IFI27: variants seen among roughly 807,000 people sequenced by gnomAD.
IFI27 encodes the protein interferon alpha-inducible protein 27, mitochondrial.
A neutral mutation model predicts 8.9 loss-of-function variants in IFI27; 3 were observed. The observed-to-expected ratio is 0.34, with a 90% CI of 0.15 to 0.87. The LOEUF (loss-of-function observed/expected upper bound fraction) is 0.87, where lower values mean the gene tolerates loss of function less well. Among genes scored for constraint, IFI27 ranks in the 40% least tolerant of loss-of-function variants. The pLI is 0.51. For synonymous variants in IFI27, 66 were observed against 67.3 expected, an observed-to-expected ratio of 0.98 and a Z score of 0.09; for missense variants, 152 against 157.7, an observed-to-expected ratio of 0.96 and a Z score of 0.19.
Position 94,116,457 on chromosome 14 carries a change from C to G in IFI27, c.299C>G (p.Ser100Cys), listed in dbSNP as rs373173551. 1.7e-5 allele frequency: 27 copies of G among 1,612,724 alleles called. No individual in the cohort carries two copies. Among genetic ancestry groups the G allele is most frequent in the Non-Finnish European group, 2.0e-5 (24 of 1,179,506 alleles). The change falls in exon 5 of 5, where the codon TCC becomes TGC. Residue 100 changes from serine to cysteine, a missense_variant. Coordinates refer to ENST00000621160, the Ensembl canonical transcript of IFI27. The surrounding 1 kb of genome is among the most constrained non-coding windows in gnomAD (Gnocchi z 4.3). ...TTCTTCCCAGGAGCAACTGGACTCT[C>G]CGGATTGACCAAGTTCATCCTGGGC...
chr14:94,112,077 C>T (rs938374130), intron 2 of IFI27: 2 of 484,842 alleles, frequency 4.1e-6, no homozygotes, highest in African/African-American at 3.9e-5. Flanking sequence ...TTCAGCTCTC[C>T]CTTCCCCCAG....
chr14:94,109,299 TA>T (rs566567719), upstream of IFI27, among the ~76,000 whole-genome samples: 87 of 17,416 alleles, frequency 5.0e-3, no homozygotes, highest in South Asian at 0.023. Context: ...CAAAACTCCA[TA>T]AAAAAAAAAA....
chr14:94,115,833 G>A (rs376868044), exon 4 of IFI27: 53 of 1,602,578 alleles, frequency 3.3e-5, no homozygotes, highest in South Asian at 2.2e-5. Context: ...GCTTCACTGC[G>A]GCGGGAATCG....
rs186108659 is a variant in IFI27 at position 94,111,499 on chromosome 14, G to A, written c.-58-126G>A. 9.1e-5 allele frequency: 55 copies of A among 605,880 alleles called. No individual in the cohort carries two copies. The highest frequency in any genetic ancestry group is 9.1e-4 in the Admixed American group (33 of 36,444). The allele number at this position is 605,880 out of a possible 1,614,324, so 37.5% of individuals were successfully genotyped here. On this transcript the variant is annotated intron_variant, in intron 1 of 4. Transcript: ENST00000621160. The surrounding 1 kb of genome is among the most constrained non-coding windows in gnomAD (Gnocchi z 4.3). Reference sequence around the variant, plus strand: ...TCCCTCACCCCAGGATCCTTTCAAGGCCTGCTGCTCCACAAGCTCAGAGCA... The same window carrying A: ...TCCCTCACCCCAGGATCCTTTCAAGACCTGCTGCTCCACAAGCTCAGAGCA...
chr14:94,108,543 T>G (rs1887041345), upstream of IFI27, among the ~76,000 whole-genome samples: 1 of 152,214 alleles, frequency 6.6e-6, no homozygotes, highest in Non-Finnish European at 1.5e-5. Context: ...CATTCATACA[T>G]TCATTGTGCT....
In IFI27 at chr14:94,111,733, G is replaced by A. The variant is rs1383576233; in HGVS notation, c.51G>A (p.Val17=). The stretch of plus-strand genomic sequence containing the variant: ...CAGCAGTGACCAGTGTGGCCAAAGT[G>A]GTCAGGGTGGCCTCTGGCTCTGCCG... The change falls in exon 2 of 5, where the codon GTG becomes GTA. Residue 17 remains valine, a synonymous_variant. Transcript: ENST00000621160. The surrounding 1 kb of genome is among the most constrained non-coding windows in gnomAD (Gnocchi z 4.3). The A allele has an allele frequency of 6.2e-7, 1 of 1,614,120 alleles. No individual in the cohort carries two copies. Among genetic ancestry groups the A allele is most frequent in the Non-Finnish European group, 8.5e-7 (1 of 1,180,030 alleles).
chr14:94,116,398 C>T lies in IFI27; in HGVS notation c.284-44C>T. 7.0e-7 allele frequency: 1 copy of T among 1,420,890 alleles called. No homozygotes were observed. Among genetic ancestry groups the T allele is most frequent in the Non-Finnish European group, 9.9e-7 (1 of 1,014,296 alleles). The allele number at this position is 1,420,890 out of a possible 1,614,324, so 88.0% of individuals were successfully genotyped here. A position where few individuals can be genotyped will look rare whatever the true frequency, so the allele number is the denominator to read the frequency against. ...CCACAGTCCTGCCCACAGAGCTTCC[C>T]CGACAGGCATGTCCCACTCTGTCCA... is the stretch of plus-strand genomic sequence containing the variant. On this transcript the variant is annotated intron_variant, in intron 4 of 4. Coordinates refer to ENST00000621160, the Ensembl canonical transcript of IFI27. The surrounding 1 kb of genome is among the most constrained non-coding windows in gnomAD (Gnocchi z 4.3).
rs774718963 is a variant in IFI27, at chr14:94,111,702, C to A, written c.20C>A (p.Thr7Asn). The A allele has an allele frequency of 4.3e-6, 7 of 1,614,048 alleles. No individual in the cohort carries two copies. The Admixed American group carries it at 8.3e-5, about 19-fold the overall frequency. Residue 7 changes from threonine to asparagine, a missense_variant, in exon 2 of 5, where the codon ACC (threonine) becomes AAC (asparagine). Thr to Asn is a moderately conservative substitution (Grantham distance 65). Coordinates refer to ENST00000621160, the Ensembl canonical transcript of IFI27. This position sits in a 1 kb window ranked among gnomAD's most constrained non-coding sequence, Gnocchi z 4.3. ...GCAGGCATGGAGGCCTCTGCTCTCA[C>A]CTCATCAGCAGTGACCAGTGTGGCC...
In IFI27 at chr14:94,111,581, G is replaced by C; in HGVS notation, c.-58-44G>C. The C allele has an allele frequency of 8.7e-6, 8 of 914,800 alleles. No individual in the cohort carries two copies. The South Asian group carries it at 1.1e-4, about 13-fold the overall frequency. 56.7% of individuals were successfully genotyped at this position (914,800 alleles called of 1,614,324 possible). ...TTTCAGGACAGTGGGAAGCAAGTCAGGTTGTGTGCCCATCCCGTCCTCAGA... is the reference window on the plus strand; with the variant it reads ...TTTCAGGACAGTGGGAAGCAAGTCACGTTGTGTGCCCATCCCGTCCTCAGA... On this transcript the variant is annotated intron_variant, in intron 1 of 4. Transcript: ENST00000621160. The surrounding 1 kb of genome is among the most constrained non-coding windows in gnomAD (Gnocchi z 4.3).
rs530908059 is a variant in IFI27 at position 94,115,427 on chromosome 14, T to C, written c.122-354T>C. On this transcript the variant is annotated intron_variant, in intron 3 of 4. Coordinates refer to ENST00000621160, the Ensembl canonical transcript of IFI27. Reference sequence around the variant, plus strand: ...TCCTGGGCAACATCTGCTCCCCTAATGAGATTTGCTCCCCAGCAAAGATAA... The same window carrying C: ...TCCTGGGCAACATCTGCTCCCCTAACGAGATTTGCTCCCCAGCAAAGATAA... The C allele has an allele frequency of 5.2e-4, 293 of 564,882 alleles. 6 individuals carry two copies. The highest frequency in any genetic ancestry group is 4.5e-3 in the South Asian group (290 of 65,014). 35.0% of individuals were successfully genotyped at this position (564,882 alleles called of 1,614,324 possible).
upstream of IFI27, among the ~76,000 whole-genome samples, chr14:94,107,947 C>T (rs565793088): frequency 1.3e-5 from 2 of 152,268 alleles, no homozygotes; most frequent in Admixed American, 1.3e-4. Context: ...CCCATCAACT[C>T]GTCATTTACA....
Position 94,111,908 on chromosome 14 carries a change from C to G in IFI27, c.91+135C>G. ...GCTGCCCTGTCCTGTCTTCTCACAG[C>G]AGGCGTCCACCCTAACTTTCCATCT... is the stretch of plus-strand genomic sequence containing the variant. On this transcript the variant is annotated intron_variant, in intron 2 of 4. Transcript: ENST00000621160. This position sits in a 1 kb window ranked among gnomAD's most constrained non-coding sequence, Gnocchi z 4.3. 1.4e-6 allele frequency: 1 copy of G among 736,538 alleles called. No homozygotes were observed. The highest frequency in any genetic ancestry group is 2.4e-6 in the Non-Finnish European group (1 of 419,310). 45.6% of individuals were successfully genotyped at this position (736,538 alleles called of 1,614,324 possible). A position where few individuals can be genotyped will look rare whatever the true frequency, so the allele number is the denominator to read the frequency against.
At chr14:94,107,078 T>G (rs965235560), upstream of IFI27, among the ~76,000 whole-genome samples, 6 of 152,094 alleles carry the variant, frequency 3.9e-5, no homozygotes, top group African/African-American at 1.2e-4. Context: ...ATTATTATTA[T>G]TATTATTTCA....
At chr14:94,109,192 G>A (rs2139283430), upstream of IFI27, among the ~76,000 whole-genome samples, 1 of 152,160 alleles carries the variant, frequency 6.6e-6, no homozygotes, top group Non-Finnish European at 1.5e-5. Flanking sequence ...CTACTTGGGA[G>A]GCTGAGGCAG....
intron 2 of IFI27, chr14:94,113,598 C>G (rs1395776785): frequency 6.6e-6 from 1 of 152,196 alleles, no homozygotes; most frequent in East Asian, 1.9e-4. Flanking sequence ...AATGGCCAGG[C>G]TACTCCGCCG....
chr14:94,114,568 AAAGAT>A (rs1207601650), intron 2 of IFI27: 1 of 483,426 alleles, frequency 2.1e-6, no homozygotes, highest in African/African-American at 1.9e-5. Flanking sequence ...GCAGAAAAGA[AAAGAT>A]AACATCTGAT....
At chr14:94,115,824 C>T (rs1465655800) in exon 4 of IFI27, 1 of 1,607,094 alleles carries the variant, frequency 6.2e-7, no homozygotes. Flanking sequence ...GTGCCATGGG[C>T]TTCACTGCGG....
Position 94,111,801 on chromosome 14 carries a change from TGGGGGCGA to T in IFI27, c.91+31_91+38del. ...GAGTGTTCCTGGGAGGGGCTGGTGC[TGGGGGCGA>T]GGAGGCGGCTGGGAAGGGCGGGGGT... On this transcript the variant is annotated intron_variant, in intron 2 of 4. Transcript: ENST00000621160. The surrounding 1 kb of genome is among the most constrained non-coding windows in gnomAD (Gnocchi z 4.3). 1 of 1,565,238 alleles carries T rather than the reference TGGGGGCGA, an allele frequency of 6.4e-7. No individual in the cohort carries two copies. Among genetic ancestry groups the T allele is most frequent in the Non-Finnish European group, 8.8e-7 (1 of 1,135,804 alleles).
Position 94,116,191 on chromosome 14 carries a change from G to A in IFI27, c.283+249G>A. ...TTACCTGGGGCGTCTCCTCCCCTCTGGGGTGCAGCCTCCTTCCCTGAAGAG... is the reference window on the plus strand; with the variant it reads ...TTACCTGGGGCGTCTCCTCCCCTCTAGGGTGCAGCCTCCTTCCCTGAAGAG... On this transcript the variant is annotated intron_variant, in intron 4 of 4. Coordinates refer to ENST00000621160, the Ensembl canonical transcript of IFI27. The surrounding 1 kb of genome is among the most constrained non-coding windows in gnomAD (Gnocchi z 4.3). 1.4e-6 allele frequency: 1 copy of A among 695,996 alleles called. No individual in the cohort carries two copies. The highest frequency in any genetic ancestry group is 1.5e-5 in the South Asian group (1 of 65,464). 43.1% of individuals were successfully genotyped at this position (695,996 alleles called of 1,614,324 possible). A position where few individuals can be genotyped will look rare whatever the true frequency, so the allele number is the denominator to read the frequency against.
Sources: gnomAD v4.1 joint callset for allele counts (sites outside exome capture counted in the v4.1 genomes callset) on GRCh38, gnomAD v4.1.1 for gene constraint, Gnocchi (gnomAD v3.1) non-coding constraint, MANE v1.5 for transcripts, NCBI Gene and HGNC (gene_info 2026-07-23, HGNC 2026-07-21) for gene names.